SCNN1B: variants seen among roughly 807,000 people sequenced by gnomAD.
SCNN1B encodes epithelial sodium channel subunit beta.
SCNN1B carries 46 observed loss-of-function variants against 65.3 expected under a neutral mutation model. That is an observed-to-expected ratio of 0.70 (90% CI 0.56 to 0.90). The LOEUF is 0.90. Among genes scored for constraint, SCNN1B ranks in the 40% least tolerant of loss-of-function variants. The pLI is 0.00. For missense variants in SCNN1B, 751 were observed against 830.5 expected (o/e 0.90, Z 1.18); for synonymous variants, 349 against 330.6 (o/e 1.06, Z -0.60).
rs530407092 is a variant in SCNN1B, at chr16:23,321,253, G to C, written c.-9+18816G>C. Among the ~76,000 whole-genome samples the C allele has an allele frequency of 2.0e-5, 3 of 152,224 alleles. No homozygotes were observed. The South Asian group carries it at 6.2e-4, about 32-fold the overall frequency. The stretch of plus-strand genomic sequence containing the variant: ...GACTGGGTTTCACCATGTTGGCCAG[G>C]CTGATCTCGAACTCTTACCCTCAAG... On this transcript the variant is annotated intron_variant, in intron 1 of 12. Coordinates refer to ENST00000343070, the MANE Select transcript of SCNN1B (RefSeq NM_000336.3).
intron 2 of SCNN1B, among the ~76,000 whole-genome samples, chr16:23,292,167 T>A (rs1439946904): frequency 1.3e-5 from 2 of 151,322 alleles, no homozygotes; most frequent in Non-Finnish European, 2.9e-5. Flanking sequence ...TATTTAATTT[T>A]ATTTTTTATT....
chr16:23,316,885 C>T (rs1484785991), intron 1 of SCNN1B, among the ~76,000 whole-genome samples: 1 of 152,052 alleles, frequency 6.6e-6, no homozygotes, highest in Non-Finnish European at 1.5e-5. Flanking sequence ...GCATCATGAC[C>T]ACCATCACCC....
At chr16:23,286,426 C>A (rs1960851850) in intron 2 of SCNN1B, among the ~76,000 whole-genome samples, 1 of 152,216 alleles carries the variant, frequency 6.6e-6, no homozygotes, top group South Asian at 2.1e-4. Flanking sequence ...AACGACTTCA[C>A]AATGGAAGGA....
intron 1 of SCNN1B, among the ~76,000 whole-genome samples, chr16:23,340,264 A>G (rs915312282): frequency 1.3e-5 from 2 of 152,172 alleles, no homozygotes; most frequent in Non-Finnish European, 2.9e-5. Flanking sequence ...TTTCTCAACC[A>G]TGTCTTTTGA....
In SCNN1B at chr16:23,343,475, A is replaced by AAGGAAGG. The variant is rs1567304134; in HGVS notation, c.-8-5116_-8-5115insGGAAGGA. Among the ~76,000 whole-genome samples, 10 of 113,132 alleles carry AAGGAAGG rather than the reference A, an allele frequency of 8.8e-5. 1 individual carries two copies. The highest frequency in any genetic ancestry group is 5.5e-4 in the African/African-American group (10 of 18,170). 74.2% of individuals were successfully genotyped at this position (113,132 alleles called of 152,430 possible). A position where few individuals can be genotyped will look rare whatever the true frequency, so the allele number is the denominator to read the frequency against. Reference sequence around the variant, plus strand: ...CAAAAATAAAAAAAGGAAAAGAAAGAAAGGAAGGAAGGAAGGAAGGAAGGA... The same window carrying AAGGAAGG: ...CAAAAATAAAAAAAGGAAAAGAAAGAAGGAAGGAAGGAAGGAAGGAAGGAAGGAAGGA... On this transcript the variant is annotated intron_variant, in intron 1 of 12. Transcript: ENST00000343070.
upstream of SCNN1B, among the ~76,000 whole-genome samples, chr16:23,298,447 T>TTA (rs1293989320): frequency 1.3e-5 from 2 of 152,166 alleles, no homozygotes; most frequent in Non-Finnish European, 2.9e-5. Flanking sequence ...GACATGCTAA[T>TTA]TAAGGGGGCA....
chr16:23,370,874 C>G (rs898522205), intron 5 of SCNN1B, among the ~76,000 whole-genome samples: 14 of 152,160 alleles, frequency 9.2e-5, no homozygotes, highest in Admixed American at 9.2e-4. Flanking sequence ...GAACAGCACT[C>G]CAGAGTGAGG....
At chr16:23,335,055 A>C (rs1375646614) in intron 1 of SCNN1B, among the ~76,000 whole-genome samples, 1 of 152,144 alleles carries the variant, frequency 6.6e-6, no homozygotes, top group Non-Finnish European at 1.5e-5. Context: ...TCCTGTGGAC[A>C]TGTAAGCTAC....
chr16:23,377,574 C>CCCTTCCTTCATTCCTTCTCCCCT (rs149646061), intron 10 of SCNN1B, among the ~76,000 whole-genome samples, 188 bp downstream of exon 10: 1 of 125,062 alleles, frequency 8.0e-6, no homozygotes, highest in Non-Finnish European at 1.7e-5. Flanking sequence ...CCTCTCTTTT[C>CCCTTCCTTCATTCCTTCTCCCCT]CCTTCCTCCC....
At chr16:23,284,601 C>A (rs1452597204) in intron 2 of SCNN1B, among the ~76,000 whole-genome samples, 1 of 152,086 alleles carries the variant, frequency 6.6e-6, no homozygotes, top group Non-Finnish European at 1.5e-5. Flanking sequence ...CAGACAAACA[C>A]TAAAGTCTGT....
At chr16:23,283,470 C>G (rs950364681) in intron 1 of SCNN1B, among the ~76,000 whole-genome samples, 2 of 152,074 alleles carry the variant, frequency 1.3e-5, no homozygotes, top group African/African-American at 4.8e-5. Context: ...TAACACCAAG[C>G]CTAATTTATA....
chr16:23,341,383 G>T (rs540761680), intron 1 of SCNN1B, among the ~76,000 whole-genome samples: 2 of 152,230 alleles, frequency 1.3e-5, no homozygotes. Flanking sequence ...CAGATCTTCA[G>T]GACCTTGGAT....
chr16:23,328,575 G>A lies in SCNN1B; in HGVS notation c.-8-20017G>A, dbSNP rs549454295. On this transcript the variant is annotated intron_variant, in intron 1 of 12. Coordinates refer to ENST00000343070, the MANE Select transcript of SCNN1B (RefSeq NM_000336.3). ...CTGTTTTCAGAGACAGCTTCTCAGA[G>A]CTTCTTAACAAGCATGAGCTGGACT... 1.6e-4 allele frequency among the ~76,000 whole-genome samples: 24 copies of A among 152,254 alleles called. 1 individual carries two copies. The South Asian group carries it at 4.8e-3, about 30-fold the overall frequency.
chr16:23,358,217 GA>G (rs1368019469), intron 4 of SCNN1B: 1 of 152,246 alleles, frequency 6.6e-6, no homozygotes, highest in Non-Finnish European at 1.5e-5. Context: ...GAGGGTGAGG[GA>G]CGGGTGGTCC....
At chr16:23,306,610 C>T (rs966155289) in intron 1 of SCNN1B, among the ~76,000 whole-genome samples, 12 of 152,112 alleles carry the variant, frequency 7.9e-5, no homozygotes, top group African/African-American at 2.7e-4. Flanking sequence ...CTTTTCTGGC[C>T]AAGGACAAGA....
At chr16:23,370,016 C>T (rs769085605) in intron 5 of SCNN1B, among the ~76,000 whole-genome samples, 4 of 151,740 alleles carry the variant, frequency 2.6e-5, no homozygotes, top group East Asian at 3.9e-4. Flanking sequence ...CTGCAACCTC[C>T]GCCTCCTGGG....
intron 1 of SCNN1B, among the ~76,000 whole-genome samples, chr16:23,336,600 G>A (rs1351309597): frequency 6.6e-6 from 1 of 152,010 alleles, no homozygotes; most frequent in Non-Finnish European, 1.5e-5. Context: ...TCGATTTCTT[G>A]ACCTCATGAT....
intron 11 of SCNN1B, 124 bp from the exon 12 acceptor site, chr16:23,379,968 ATG>A: frequency 1.3e-6 from 1 of 786,654 alleles, no homozygotes; most frequent in Non-Finnish European, 2.3e-6. Context: ...GTGTGGGTAC[ATG>A]TGTGTGCATA....
chr16:23,343,263 A>G (rs903592642), intron 1 of SCNN1B, among the ~76,000 whole-genome samples: 15 of 145,762 alleles, frequency 1.0e-4, no homozygotes, highest in East Asian at 2.0e-4. Context: ...GACCAGCCTG[A>G]CCAACATGGA....
Sources: gnomAD v4.1 joint callset for allele counts (sites outside exome capture counted in the v4.1 genomes callset) on GRCh38, gnomAD v4.1.1 for gene constraint, MANE v1.5 for transcripts, NCBI Gene and HGNC (gene_info 2026-07-23, HGNC 2026-07-21) for gene names.